The following INPP5D variants were observed in gnomAD, a reference collection of about 807,000 sequenced individuals.
INPP5D encodes phosphatidylinositol 3,4,5-trisphosphate 5-phosphatase 1.
INPP5D carries 33 observed loss-of-function variants against 122.9 expected under a neutral mutation model. That is an observed-to-expected ratio of 0.27 (90% confidence interval 0.20 to 0.36). The LOEUF (loss-of-function observed/expected upper bound fraction) is 0.36. Among genes scored for constraint, INPP5D ranks in the 10% least tolerant of loss-of-function variants. The probability of loss-of-function intolerance (pLI) is 1.00; values close to 1 mark genes in which losing one functional copy is unlikely to be tolerated. For synonymous variants in INPP5D, 584 were observed against 576.2 expected, an observed-to-expected ratio of 1.01 and a Z score of -0.19; for missense variants, 1,053 against 1,412.7, an observed-to-expected ratio of 0.75 and a Z score of 4.08.
intron 2 of INPP5D, among the ~76,000 whole-genome samples, chr2:233,099,171 G>A (rs949679845): frequency 2.2e-4 from 34 of 152,178 alleles, no homozygotes; most frequent in Admixed American, 1.2e-3. Context: ...GGCTGGTCTC[G>A]AACTCCTGAC....
chr2:233,133,011 C>T (rs535421151), intron 5 of INPP5D, among the ~76,000 whole-genome samples: 58 of 152,022 alleles, frequency 3.8e-4, no homozygotes, highest in African/African-American at 1.3e-3. Flanking sequence ...ACCTCTCAGC[C>T]CCTATCCTTG....
chr2:233,129,483 G>A (rs952815943), intron 4 of INPP5D, among the ~76,000 whole-genome samples: 3 of 152,220 alleles, frequency 2.0e-5, no homozygotes, highest in Non-Finnish European at 4.4e-5. Context: ...TTTAGGGGGC[G>A]CCCCTCGTGG....
chr2:233,063,699 C>T (rs942886077), intron 1 of INPP5D, among the ~76,000 whole-genome samples: 1 of 152,268 alleles, frequency 6.6e-6, no homozygotes, highest in Non-Finnish European at 1.5e-5. Flanking sequence ...TGACAGGGAG[C>T]CTGGGCTCCA....
At chr2:233,101,784 CATTAT>C (rs1692322194) in intron 2 of INPP5D, among the ~76,000 whole-genome samples, 1 of 140,118 alleles carries the variant, frequency 7.1e-6, no homozygotes, top group Non-Finnish European at 1.5e-5. Flanking sequence ...TTTATAATTA[CATTAT>C]ATTATATTAA....
At chr2:233,062,329 C>T (rs115991382) in intron 1 of INPP5D, among the ~76,000 whole-genome samples, 1,833 of 152,316 alleles carry the variant, frequency 0.012, 36 homozygotes, top group African/African-American at 0.042. Context: ...GACTCCGAGC[C>T]GTGAGCATCT....
intron 2 of INPP5D, among the ~76,000 whole-genome samples, chr2:233,092,853 G>C (rs1692028817): frequency 6.6e-6 from 1 of 152,150 alleles, no homozygotes; most frequent in South Asian, 2.1e-4. Flanking sequence ...CACGTAGCCA[G>C]GGGTGCTCCC....
At chr2:233,095,172 T>A (rs1487664525) in intron 2 of INPP5D, among the ~76,000 whole-genome samples, 1 of 152,234 alleles carries the variant, frequency 6.6e-6, no homozygotes, top group Non-Finnish European at 1.5e-5. Context: ...CAAACATTAA[T>A]AAAAAAGTTG....
At chr2:233,148,546 C>T (rs978285868) in intron 9 of INPP5D, among the ~76,000 whole-genome samples, 7 of 152,152 alleles carry the variant, frequency 4.6e-5, no homozygotes, top group Non-Finnish European at 8.8e-5. Context: ...TTAGGGAGGC[C>T]AGGCAGGGTG....
At chr2:233,187,251 G>C (rs889461368) in intron 21 of INPP5D, among the ~76,000 whole-genome samples, 3 of 152,082 alleles carry the variant, frequency 2.0e-5, no homozygotes, top group African/African-American at 7.2e-5. Context: ...GGAGATGTTG[G>C]GTGTCCTCGA....
intron 4 of INPP5D, among the ~76,000 whole-genome samples, chr2:233,126,171 C>T (rs559972770): frequency 2.8e-4 from 42 of 152,362 alleles, no homozygotes; most frequent in Admixed American, 5.9e-4. Flanking sequence ...TCTCCAGGCA[C>T]GGCCCGGCAT....
In INPP5D at chr2:233,124,187, AG is replaced by A. The variant is rs546027974; in HGVS notation, c.350-1555del. On this transcript the variant is annotated intron_variant, in intron 3 of 26. Transcript: ENST00000445964. ...ACCTAACCGGGCCCCTCAGTTGGCC[AG>A]GGCTCTTCCTGAATTCCAGCAGGTG... is the stretch of plus-strand genomic sequence containing the variant. 1.1e-4 allele frequency among the ~76,000 whole-genome samples: 17 copies of A among 151,912 alleles called. No individual in the cohort carries two copies. In the South Asian group the frequency reaches 3.5e-3, roughly 32 times the overall value.
At chr2:233,060,651 C>G (rs1050137550) in intron 1 of INPP5D, 39 bp downstream of exon 1, 5 of 1,610,292 alleles carry the variant, frequency 3.1e-6, no homozygotes, top group African/African-American at 1.3e-5. Flanking sequence ...ACAGATATGA[C>G]AGAGGGGCTT....
At chr2:233,134,076 C>T in intron 5 of INPP5D, 1 of 453,356 alleles carries the variant, frequency 2.2e-6, no homozygotes, top group Middle Eastern at 3.3e-4. Flanking sequence ...GAAGATGAAT[C>T]TAGGGTGACC....
intron 4 of INPP5D, among the ~76,000 whole-genome samples, chr2:233,129,063 G>T (rs1382046385): frequency 1.3e-5 from 2 of 152,076 alleles, no homozygotes; most frequent in Non-Finnish European, 2.9e-5. Flanking sequence ...CTACCCAGGA[G>T]GCTGAGGCAG....
At chr2:233,092,211 G>A (rs149583384) in intron 2 of INPP5D, among the ~76,000 whole-genome samples, 828 of 152,312 alleles carry the variant, frequency 5.4e-3, no homozygotes, top group Middle Eastern at 0.014. Flanking sequence ...TCAGGGAGCC[G>A]TCCCAGGCTC....
In INPP5D at chr2:233,139,275, C is replaced by T. The variant is rs973439962; in HGVS notation, c.666-567C>T. Among the ~76,000 whole-genome samples the T allele has an allele frequency of 2.1e-3, 327 of 152,242 alleles. 1 individual carries two copies. Among genetic ancestry groups the T allele is most frequent in the African/African-American group, 7.6e-3 (316 of 41,542 alleles). On this transcript the variant is annotated intron_variant, in intron 5 of 26. Transcript: ENST00000445964. ...AGAAAGATGAGCTGGGAACAAAGAG[C>T]GCATAAAGCCCGAGGATTGGAGTTG...
intron 8 of INPP5D, 151 bp from the exon 9 acceptor site, chr2:233,147,320 C>T (rs1334688338): frequency 1.5e-5 from 9 of 605,302 alleles, no homozygotes; most frequent in East Asian, 1.1e-4. Flanking sequence ...GAAACATGCA[C>T]GTGCGCCGCT....
At chr2:233,073,900 C>T (rs1387220401) in intron 1 of INPP5D, among the ~76,000 whole-genome samples, 1 of 152,160 alleles carries the variant, frequency 6.6e-6, no homozygotes, top group Non-Finnish European at 1.5e-5. Flanking sequence ...TTTCCTTTAT[C>T]TCAGTTTGCT....
chr2:233,132,746 G>T (rs1039078757), intron 5 of INPP5D, among the ~76,000 whole-genome samples: 1 of 152,242 alleles, frequency 6.6e-6, no homozygotes, highest in Non-Finnish European at 1.5e-5. Flanking sequence ...ATGTATTGGA[G>T]GCCTCCTCTG....
Sources: allele counts gnomAD v4.1 joint callset (sites outside exome capture counted in the v4.1 genomes callset), GRCh38; gene constraint gnomAD v4.1.1; transcripts MANE v1.5; gene names NCBI Gene and HGNC (gene_info 2026-07-23, HGNC 2026-07-21).